The following PDSS1 variants were observed in gnomAD, a reference collection of about 807,000 sequenced individuals.
PDSS1 encodes the protein all trans-polyprenyl-diphosphate synthase PDSS1.
PDSS1 carries 43 observed loss-of-function variants against 57.5 expected under a neutral mutation model. The observed-to-expected ratio is 0.75, with a 90% confidence interval of 0.59 to 0.96. The LOEUF is 0.96. Among genes scored for constraint, PDSS1 ranks in the 50% least tolerant of loss-of-function variants. The probability of loss-of-function intolerance (pLI) is 0.00; values close to 1 mark genes in which losing one functional copy is unlikely to be tolerated. For missense variants in PDSS1, 438 were observed against 527.8 expected (o/e 0.83, Z 1.67); for synonymous variants, 175 against 191.3 (o/e 0.91, Z 0.70).
chr10:26,741,435 G>A (rs1046335709), intron 10 of PDSS1, among the ~76,000 whole-genome samples: 2 of 152,012 alleles, frequency 1.3e-5, no homozygotes, highest in African/African-American at 4.8e-5. Context: ...GTGAGCCGAG[G>A]TCGTGCCACT....
At chr10:26,726,975 C>T (rs1323413304) in intron 8 of PDSS1, among the ~76,000 whole-genome samples, 2 of 151,850 alleles carry the variant, frequency 1.3e-5, no homozygotes, top group Non-Finnish European at 2.9e-5. Context: ...GGCAGGAGAA[C>T]CGCTTGAACC....
chr10:26,703,931 A>T (rs2132214657), intron 2 of PDSS1, among the ~76,000 whole-genome samples: 1 of 151,938 alleles, frequency 6.6e-6, no homozygotes, highest in East Asian at 1.9e-4. Flanking sequence ...AATACAAAAA[A>T]TTAGCCAGGC....
chr10:26,737,557 C>A (rs1042914762), intron 10 of PDSS1, among the ~76,000 whole-genome samples: 1 of 151,624 alleles, frequency 6.6e-6, no homozygotes, highest in Non-Finnish European at 1.5e-5. Flanking sequence ...ATGGTGGAAA[C>A]CCCGTCTCTA....
chr10:26,744,906 G>GTAA (rs1267021841), intron 11 of PDSS1, among the ~76,000 whole-genome samples: 1 of 152,010 alleles, frequency 6.6e-6, no homozygotes, highest in African/African-American at 2.4e-5. Context: ...GCTCACACCT[G>GTAA]TAATCGCAGC....
rs1836465185 is a variant in PDSS1, at chr10:26,738,063, A to C, written c.1026+2484A>C. ...GTATGTATTTATAAGTTGCCTTCTA[A>C]TAAAACAGCAAGGTTAGGCTCTTTT... On this transcript the variant is annotated intron_variant, in intron 10 of 11. Transcript: ENST00000376215. Among the ~76,000 whole-genome samples the C allele has an allele frequency of 2.0e-5, 3 of 152,250 alleles. No individual in the cohort carries two copies. The South Asian group carries it at 6.2e-4, about 31-fold the overall frequency.
At chr10:26,704,887 C>A in intron 3 of PDSS1, 146 bp downstream of exon 3, 1 of 639,468 alleles carries the variant, frequency 1.6e-6, no homozygotes, top group South Asian at 1.8e-5. Flanking sequence ...TCCTCCCACC[C>A]TCAGGTTCCC....
At chr10:26,701,449 G>A (rs963100037) in intron 1 of PDSS1, among the ~76,000 whole-genome samples, 17 of 152,300 alleles carry the variant, frequency 1.1e-4, no homozygotes, top group African/African-American at 4.1e-4. Flanking sequence ...GCTGCTCTGT[G>A]CAAGAGCAGC....
intron 8 of PDSS1, among the ~76,000 whole-genome samples, chr10:26,732,858 C>T (rs183041408): frequency 5.3e-5 from 8 of 152,270 alleles, no homozygotes; most frequent in Middle Eastern, 3.4e-3. Context: ...CGGTGGCTCA[C>T]GCCTGTAATC....
intron 3 of PDSS1, among the ~76,000 whole-genome samples, chr10:26,705,027 C>T (rs1025588256): frequency 6.6e-6 from 1 of 152,054 alleles, no homozygotes; most frequent in Non-Finnish European, 1.5e-5. Context: ...TGAGCTCAAC[C>T]CAGAGCACAA....
chr10:26,731,673 G>A (rs1050259087), intron 8 of PDSS1, among the ~76,000 whole-genome samples: 16 of 152,192 alleles, frequency 1.1e-4, no homozygotes, highest in Non-Finnish European at 1.5e-4. Flanking sequence ...CTAACTAAAT[G>A]TGCCATTACA....
intron 6 of PDSS1, 45 bp downstream of exon 6, chr10:26,720,404 CA>C: frequency 7.9e-7 from 1 of 1,265,354 alleles, no homozygotes; most frequent in Non-Finnish European, 1.2e-6. Context: ...CTGAATCACA[CA>C]CTTTTCGGAC....
chr10:26,718,778 A>G (rs1835687083), intron 5 of PDSS1: 1 of 151,968 alleles, frequency 6.6e-6, no homozygotes, highest in African/African-American at 2.4e-5. Context: ...AAAAAAAAAA[A>G]AGGAATGAGT....
intron 2 of PDSS1, among the ~76,000 whole-genome samples, chr10:26,702,628 T>C (rs916366738): frequency 6.6e-6 from 1 of 152,230 alleles, no homozygotes; most frequent in African/African-American, 2.4e-5. Flanking sequence ...CCTCTTTCTT[T>C]TATAAATTAC....
At position 26,746,270 on chromosome 10, in the gene PDSS1, G is replaced by GAAGTT. The variant is rs1016340025; in HGVS notation, c.1108-60_1108-56dup. The GAAGTT allele has an allele frequency of 6.0e-6, 9 of 1,510,912 alleles. No individual in the cohort carries two copies. In the African/African-American group the frequency reaches 1.2e-4, roughly 21 times the overall value. The allele number at this position is 1,510,912 out of a possible 1,614,324, so 93.6% of individuals were successfully genotyped here. ...ACTATGTGTTCATTTATTATAGCAG[G>GAAGTT]AAGTTAAAACGCTGATTCAGTCAGT... On this transcript the variant is annotated intron_variant, in intron 11 of 11. Coordinates refer to ENST00000376215, the MANE Select transcript of PDSS1 (RefSeq NM_014317.5).
At chr10:26,746,276 A>C in intron 11 of PDSS1, 57 bp from the exon 12 acceptor site, 1 of 1,574,992 alleles carries the variant, frequency 6.3e-7, no homozygotes, top group East Asian at 2.2e-5. Flanking sequence ...GCAGGAAGTT[A>C]AAACGCTGAT....
At chr10:26,734,257 C>T (rs376705119) in intron 8 of PDSS1, among the ~76,000 whole-genome samples, 3 of 152,356 alleles carry the variant, frequency 2.0e-5, no homozygotes, top group Non-Finnish European at 2.9e-5. Flanking sequence ...CACAGAGGCA[C>T]GACCGAAGGT....
At chr10:26,699,463 C>T (rs960701643) in intron 1 of PDSS1, among the ~76,000 whole-genome samples, 12 of 150,562 alleles carry the variant, frequency 8.0e-5, no homozygotes, top group African/African-American at 2.4e-4. Flanking sequence ...GGCGGAATCT[C>T]GGCTCACTGC....
At chr10:26,731,320 G>A (rs953215553) in intron 8 of PDSS1, among the ~76,000 whole-genome samples, 3 of 152,108 alleles carry the variant, frequency 2.0e-5, no homozygotes, top group Admixed American at 6.5e-5. Flanking sequence ...CAGCATGGGC[G>A]ACAAAGTGAG....
chr10:26,740,787 G>A, intron 10 of PDSS1: 2 of 414,046 alleles, frequency 4.8e-6, no homozygotes, highest in Admixed American at 5.6e-5. Flanking sequence ...AGACCCCAGG[G>A]GCTAAGGAAG....
Sources: gnomAD v4.1 joint callset for allele counts (sites outside exome capture counted in the v4.1 genomes callset) on GRCh38, gnomAD v4.1.1 for gene constraint, MANE v1.5 for transcripts, NCBI Gene and HGNC (gene_info 2026-07-23, HGNC 2026-07-21) for gene names.